CCDC60: variants seen among roughly 807,000 people sequenced by gnomAD.
CCDC60 encodes the protein coiled-coil domain-containing protein 60.
In CCDC60, 54 loss-of-function variants were observed where a neutral mutation model predicts 63.5. That is an observed-to-expected ratio of 0.85 (90% CI 0.68 to 1.07). The LOEUF (loss-of-function observed/expected upper bound fraction) is 1.07. CCDC60 is among the 50% of genes least tolerant of loss of function. The pLI, the probability that CCDC60 is intolerant of heterozygous loss-of-function variation, is 0.00. For synonymous variants in CCDC60, 206 were observed against 238.8 expected (o/e 0.86, Z 1.27); for missense variants, 651 against 684.3 (o/e 0.95, Z 0.54).
chr12:119,408,094 G>A (rs1956526927), intron 1 of CCDC60, among the ~76,000 whole-genome samples: 1 of 152,174 alleles, frequency 6.6e-6, no homozygotes, highest in Non-Finnish European at 1.5e-5. Flanking sequence ...GCCAATAGGG[G>A]AGACTGTTAT....
At chr12:119,358,547 A>G (rs1230788653) in intron 1 of CCDC60, among the ~76,000 whole-genome samples, 1 of 152,172 alleles carries the variant, frequency 6.6e-6, no homozygotes, top group Non-Finnish European at 1.5e-5. Flanking sequence ...CACAAAACAG[A>G]CTAAGACAAC....
intron 13 of CCDC60, among the ~76,000 whole-genome samples, chr12:119,539,886 G>T (rs922535128): frequency 1.4e-4 from 21 of 152,208 alleles, no homozygotes; most frequent in African/African-American, 4.8e-4. Flanking sequence ...GGGCCAGAAT[G>T]CACTGTTCCT....
At chr12:119,468,273 T>C (rs866123412) in intron 2 of CCDC60, among the ~76,000 whole-genome samples, 20 of 152,080 alleles carry the variant, frequency 1.3e-4, no homozygotes, top group African/African-American at 4.3e-4. Flanking sequence ...GCCTGGGCGA[T>C]AGAGCAAGAC....
intron 13 of CCDC60, among the ~76,000 whole-genome samples, chr12:119,538,360 C>A (rs137958424): frequency 6.6e-6 from 1 of 152,332 alleles, no homozygotes; most frequent in South Asian, 2.1e-4. Context: ...ACCCCCAACC[C>A]CTTGCACTTC....
intron 6 of CCDC60, among the ~76,000 whole-genome samples, 169 bp downstream of exon 6, chr12:119,500,337 A>G (rs1274545448): frequency 1.3e-5 from 2 of 151,982 alleles, no homozygotes; most frequent in African/African-American, 4.8e-5. Context: ...AATTTTAATT[A>G]AAACAGTTAT....
chr12:119,502,109 G>T (rs533503537), intron 6 of CCDC60, among the ~76,000 whole-genome samples: 2 of 152,198 alleles, frequency 1.3e-5, no homozygotes, highest in Non-Finnish European at 2.9e-5. Flanking sequence ...AGATCAGGCT[G>T]AGTGTGATAC....
chr12:119,535,052 T>G (rs1399793496), intron 13 of CCDC60, among the ~76,000 whole-genome samples: 1 of 152,182 alleles, frequency 6.6e-6, no homozygotes, highest in Non-Finnish European at 1.5e-5. Context: ...GGTCCTGGAC[T>G]TTTTTTCTTG....
At chr12:119,352,958 T>TAAAAAA (rs34501748) in intron 1 of CCDC60, among the ~76,000 whole-genome samples, 1 of 151,008 alleles carries the variant, frequency 6.6e-6, no homozygotes, top group Non-Finnish European at 1.5e-5. Flanking sequence ...AAATTAAAAT[T>TAAAAAA]AAAAAAAAAT....
chr12:119,516,442 T>C (rs1952355909), intron 7 of CCDC60, among the ~76,000 whole-genome samples, 181 bp from the exon 8 acceptor site: 1 of 152,188 alleles, frequency 6.6e-6, no homozygotes, highest in African/African-American at 2.4e-5. Context: ...CGTGGCATGG[T>C]CAGATTTGCA....
chr12:119,440,296 C>T (rs1033565632), intron 2 of CCDC60, among the ~76,000 whole-genome samples: 7 of 152,024 alleles, frequency 4.6e-5, no homozygotes, highest in African/African-American at 1.2e-4. Context: ...TTTGGGAGGC[C>T]GAGGCGGGCG....
rs1955688373 is a variant in CCDC60, at chr12:119,353,866, A to C, written c.90+18600A>C. Among the ~76,000 whole-genome samples, 4 of 152,162 alleles carry C rather than the reference A, an allele frequency of 2.6e-5. No homozygotes were observed. In the South Asian group the frequency reaches 8.3e-4, roughly 32 times the overall value. On this transcript the variant is annotated intron_variant, in intron 1 of 13. Transcript: ENST00000327554. Reference sequence around the variant, plus strand: ...GGCGAGTGGATCGCCTGAGGTCCAGAGTTTGAGACCAGCCTGGCCAACATG... The same window carrying C: ...GGCGAGTGGATCGCCTGAGGTCCAGCGTTTGAGACCAGCCTGGCCAACATG...
At chr12:119,418,357 TTTTTCTTTCTTTTTCC>T (rs1323320732) in intron 1 of CCDC60, among the ~76,000 whole-genome samples, 5 of 148,790 alleles carry the variant, frequency 3.4e-5, no homozygotes, top group Non-Finnish European at 7.5e-5. Flanking sequence ...TGCTATTATC[TTTTTCTTTCTTTTTCC>T]TTTTCTTTCT....
At chr12:119,367,496 A>G (rs2136172036) in intron 1 of CCDC60, among the ~76,000 whole-genome samples, 1 of 152,344 alleles carries the variant, frequency 6.6e-6, no homozygotes, top group East Asian at 1.9e-4. Flanking sequence ...TTAAAAGTAT[A>G]GAATAAGATA....
chr12:119,534,741 C>A (rs1488288356), intron 13 of CCDC60, among the ~76,000 whole-genome samples: 1 of 152,168 alleles, frequency 6.6e-6, no homozygotes, highest in Non-Finnish European at 1.5e-5. Context: ...TATGTTGAAC[C>A]AGCCTTGCAT....
intron 5 of CCDC60, 121 bp from the exon 6 acceptor site, chr12:119,499,957 G>T: frequency 1.3e-6 from 1 of 762,470 alleles, no homozygotes; most frequent in East Asian, 2.5e-5. Flanking sequence ...AGAGGAGTGG[G>T]GGAGGAAATC....
intron 6 of CCDC60, among the ~76,000 whole-genome samples, chr12:119,502,624 G>T (rs1026685978): frequency 1.3e-5 from 2 of 152,136 alleles, no homozygotes; most frequent in Admixed American, 1.3e-4. Context: ...TGGCTAGGAT[G>T]GTTAATTAAA....
At chr12:119,451,386 C>G (rs903139893) in intron 2 of CCDC60, among the ~76,000 whole-genome samples, 1 of 151,858 alleles carries the variant, frequency 6.6e-6, no homozygotes, top group Non-Finnish European at 1.5e-5. Context: ...AATCCAGAGA[C>G]CCCCACCCAG....
At chr12:119,489,865 T>A (rs1951543516) in intron 5 of CCDC60, among the ~76,000 whole-genome samples, 1 of 151,394 alleles carries the variant, frequency 6.6e-6, no homozygotes, top group South Asian at 2.1e-4. Flanking sequence ...TGACGCAATC[T>A]CGGCTCACTG....
At chr12:119,349,433 C>T (rs536839699) in intron 1 of CCDC60, among the ~76,000 whole-genome samples, 2 of 151,018 alleles carry the variant, frequency 1.3e-5, no homozygotes, top group East Asian at 2.0e-4. Flanking sequence ...GCAACCTCTG[C>T]CTCCCAGATT....
Sources: allele counts gnomAD v4.1 joint callset (sites outside exome capture counted in the v4.1 genomes callset), GRCh38; gene constraint gnomAD v4.1.1; transcripts MANE v1.5; gene names NCBI Gene and HGNC (gene_info 2026-07-23, HGNC 2026-07-21).